Variants in HDAC5 observed in about 807,000 individuals in gnomAD.
The protein encoded by HDAC5 is antigen NY-CO-9.
A neutral mutation model predicts 133.3 loss-of-function variants in HDAC5; 25 were observed. The observed-to-expected ratio is 0.19, with a 90% CI of 0.14 to 0.26. The LOEUF is 0.26. Among genes scored for constraint, HDAC5 ranks in the 10% least tolerant of loss-of-function variants. HDAC5 has a pLI of 1.00. For missense variants in HDAC5, 1,041 were observed against 1,460.5 expected, an observed-to-expected ratio of 0.71 and a Z score of 4.68; for synonymous variants, 589 against 610.8, an observed-to-expected ratio of 0.96 and a Z score of 0.53.
chr17:44,079,955 A>C, intron 23 of HDAC5, 152 bp downstream of exon 23: 1 of 659,934 alleles, frequency 1.5e-6, no homozygotes, highest in East Asian at 2.7e-5. Context: ...GCAGAGGACA[A>C]GTTGGGGGAG....
chr17:44,078,766 C>T, intron 25 of HDAC5, 29 bp downstream of exon 25: 1 of 1,612,858 alleles, frequency 6.2e-7, no homozygotes, highest in Non-Finnish European at 8.5e-7. Context: ...CCCTTGGCAG[C>T]CTGAGCCCCT....
intron 11 of HDAC5, 24 bp from the exon 12 acceptor site, chr17:44,088,622 A>T (rs1426498404): frequency 6.2e-7 from 1 of 1,600,950 alleles, no homozygotes. Context: ...GGTGATGACT[A>T]AGCACCATTG....
rs776888253 is a variant in HDAC5, at chr17:44,092,234, T to C, written c.970A>G (p.Ser324Gly). 7 of 1,613,690 alleles carry C rather than the reference T, an allele frequency of 4.3e-6. No individual in the cohort carries two copies. The Admixed American group carries it at 1.2e-4, about 27-fold the overall frequency. The change falls in exon 9 of 27, where the codon AGC becomes GGC. Residue 324 changes from serine (S) to glycine (G), a missense_variant. Ser to Gly is a moderately conservative substitution (Grantham distance 56). Coordinates refer to ENST00000682912, the MANE Select transcript of HDAC5 (RefSeq NM_005474.5). Reference sequence around the variant, plus strand: ...TTCTCAGCGATGGTGCTGTGGGAGCTGTTGGGAGAGCTGGGGCCGGAGCCG... The same window carrying C: ...TTCTCAGCGATGGTGCTGTGGGAGCCGTTGGGAGAGCTGGGGCCGGAGCCG... ...APGSGPSSPN[S>G]SHSTIAENGF...
At chr17:44,096,668 G>T (rs1477109312) in intron 3 of HDAC5, among the ~76,000 whole-genome samples, 3 of 151,846 alleles carry the variant, frequency 2.0e-5, no homozygotes, top group South Asian at 2.1e-4. Flanking sequence ...TAGACACAAG[G>T]TTTCACCATG....
intron 15 of HDAC5, 52 bp downstream of exon 15, chr17:44,084,970 A>G: frequency 1.3e-6 from 2 of 1,549,882 alleles, no homozygotes; most frequent in Non-Finnish European, 8.8e-7. Context: ...TCTAACAGGG[A>G]AACAAAGGCT....
intron 3 of HDAC5, among the ~76,000 whole-genome samples, chr17:44,101,590 G>A (rs2051613135): frequency 6.6e-6 from 1 of 152,080 alleles, no homozygotes; most frequent in Non-Finnish European, 1.5e-5. Flanking sequence ...CTGAGGAGCT[G>A]CCTTCACAAG....
chr17:44,101,988 G>C (rs563346415), intron 3 of HDAC5, among the ~76,000 whole-genome samples: 1 of 152,202 alleles, frequency 6.6e-6, no homozygotes, highest in Admixed American at 6.5e-5. Flanking sequence ...GAAGATCACC[G>C]ACCAAGTGGT....
In HDAC5 at chr17:44,087,615, C is replaced by G; in HGVS notation, c.1681G>C (p.Glu561Gln). Residue 561 changes from glutamate to glutamine, a missense_variant, in exon 13 of 27, where the codon GAG (glutamate) becomes CAG (glutamine). Physicochemically the swap from Glu to Gln is conservative, Grantham distance 29. Transcript: ENST00000682912. ...ETEEELTEQQ[E>Q]VLLGEGALTM... ...AGGGCTCCCTCCCCCAGCAAGACCTCCTGCTGCTCCGTCAGCTCCTCCTCT... is the reference window on the plus strand; with the variant it reads ...AGGGCTCCCTCCCCCAGCAAGACCTGCTGCTGCTCCGTCAGCTCCTCCTCT... 6.2e-7 allele frequency: 1 copy of G among 1,613,974 alleles called. No homozygotes were observed. Among genetic ancestry groups the G allele is most frequent in the Non-Finnish European group, 8.5e-7 (1 of 1,179,950 alleles).
chr17:44,100,973 T>C (rs2051568717), intron 3 of HDAC5, among the ~76,000 whole-genome samples: 2 of 148,774 alleles, frequency 1.3e-5, no homozygotes, highest in Non-Finnish European at 3.0e-5. Context: ...TATTTTTAGG[T>C]AGAGACGGGG....
At chr17:44,080,361 G>A in intron 22 of HDAC5, 40 bp downstream of exon 22, 2 of 1,597,534 alleles carry the variant, frequency 1.3e-6, no homozygotes, top group South Asian at 1.1e-5. Flanking sequence ...AGGGCCCAGA[G>A]GGGCTCCCAC....
intron 2 of HDAC5, among the ~76,000 whole-genome samples, chr17:44,113,164 A>T (rs2052442716): frequency 6.6e-6 from 1 of 152,146 alleles, no homozygotes; most frequent in Non-Finnish European, 1.5e-5. Context: ...GGCATAGGAG[A>T]GTGTGGCAGG....
At chr17:44,123,013 T>G (rs2053106143) in intron 1 of HDAC5, among the ~76,000 whole-genome samples, 2 of 151,934 alleles carry the variant, frequency 1.3e-5, no homozygotes, top group African/African-American at 4.8e-5. Flanking sequence ...GTCAAGGACA[T>G]AAAATCAAGG....
chr17:44,078,312 GT>G lies in HDAC5; in HGVS notation c.*63del. The G allele has an allele frequency of 6.8e-7, 1 of 1,473,228 alleles. No homozygotes were observed. The allele number at this position is 1,473,228 out of a possible 1,614,324, so 91.3% of individuals were successfully genotyped here. A position where few individuals can be genotyped will look rare whatever the true frequency, so the allele number is the denominator to read the frequency against. On this transcript the variant is annotated 3_prime_UTR_variant, in exon 27 of 27. Coordinates refer to ENST00000682912, the MANE Select transcript of HDAC5 (RefSeq NM_005474.5). ...CACCTTGTTGAATGTGTGACTTTTT[GT>G]TTTTAATAGAAAAAATAAACAAAAT...
At position 44,085,496 on chromosome 17, in the gene HDAC5, C is replaced by A. The variant is rs1186250301; in HGVS notation, c.2051-341G>T. Reference sequence around the variant, plus strand: ...TGAGTAGCTGGGACTATAGGCACTACCACACCTAGCTTTTCTTTTGTTTTT... The same window carrying A: ...TGAGTAGCTGGGACTATAGGCACTAACACACCTAGCTTTTCTTTTGTTTTT... On this transcript the variant is annotated intron_variant, in intron 14 of 26. Coordinates refer to ENST00000682912, the MANE Select transcript of HDAC5 (RefSeq NM_005474.5). 9 of 191,954 alleles carry A rather than the reference C, an allele frequency of 4.7e-5. No individual in the cohort carries two copies. In the East Asian group the frequency reaches 7.3e-4, roughly 16 times the overall value. The allele number at this position is 191,954 out of a possible 1,614,324, so 11.9% of individuals were successfully genotyped here.
Position 44,117,563 on chromosome 17 carries a change from G to A in HDAC5, c.-48C>T. 1 of 1,604,864 alleles carries A rather than the reference G, an allele frequency of 6.2e-7. No individual in the cohort carries two copies. The highest frequency in any genetic ancestry group is 8.5e-7 in the Non-Finnish European group (1 of 1,174,036). ...GCTGGCGTTGGGGGCTGGGACGGGAGGGGGTGGAGCTGCGGTGATGTCAAG... is the reference window on the plus strand; with the variant it reads ...GCTGGCGTTGGGGGCTGGGACGGGAAGGGGTGGAGCTGCGGTGATGTCAAG... On this transcript the variant is annotated 5_prime_UTR_variant, in exon 2 of 27. Coordinates refer to ENST00000682912, the MANE Select transcript of HDAC5 (RefSeq NM_005474.5). The surrounding 1 kb of genome is among the most constrained non-coding windows in gnomAD (Gnocchi z 4.2).
intron 1 of HDAC5, among the ~76,000 whole-genome samples, chr17:44,118,615 T>TA (rs2143651166): frequency 6.6e-6 from 1 of 152,182 alleles, no homozygotes; most frequent in South Asian, 2.1e-4. Context: ...CCCCCACAGT[T>TA]AGTCCTCAAG....
intron 1 of HDAC5, 70 bp downstream of exon 1, chr17:44,123,431 CAGG>C (rs1384326376): frequency 2.8e-6 from 1 of 358,448 alleles, no homozygotes; most frequent in Admixed American, 4.7e-5. Context: ...ACAGAGACAG[CAGG>C]AGGAGGGGGC....
At chr17:44,082,499 TG>T in intron 20 of HDAC5, 85 bp downstream of exon 20, 1 of 1,064,140 alleles carries the variant, frequency 9.4e-7, no homozygotes, top group Non-Finnish European at 1.5e-6. Context: ...TGCTTGAAGG[TG>T]GGGCTGGGGG....
At position 44,092,766 on chromosome 17, in the gene HDAC5, G is replaced by C; in HGVS notation, c.682C>G (p.Gln228Glu). Residue 228 changes from glutamine (Q) to glutamate (E), a missense_variant, in exon 7 of 27, where the codon CAG becomes GAG. This residue lies in a region of HDAC5 where 56 missense variants were observed against 41.3 expected (regional missense o/e 1.36). Coordinates refer to ENST00000682912, the MANE Select transcript of HDAC5 (RefSeq NM_005474.5). ...GGAGGCGTCCCAGGGGGGCCGCTCT[G>C]GGGAGGGGAACTCTGGTCCAAAGAA... ...HASLDQSSPP[Q>E]SGPPGTPPSY... 1 of 1,354,420 alleles carries C rather than the reference G, an allele frequency of 7.4e-7. No individual in the cohort carries two copies. Among genetic ancestry groups the C allele is most frequent in the Non-Finnish European group, 1.0e-6 (1 of 999,804 alleles). The allele number at this position is 1,354,420 out of a possible 1,614,324, so 83.9% of individuals were successfully genotyped here.
Sources: gnomAD v4.1 joint callset for allele counts (sites outside exome capture counted in the v4.1 genomes callset) on GRCh38, gnomAD v4.1.1 for gene constraint, gnomAD v4.1.1 regional missense constraint, Gnocchi (gnomAD v3.1) non-coding constraint, MANE v1.5 for transcripts, NCBI Gene and HGNC (gene_info 2026-07-23, HGNC 2026-07-21) for gene names.